NAALADL2: variants seen among roughly 807,000 people sequenced by gnomAD.
The protein encoded by NAALADL2 is inactive N-acetylated-alpha-linked acidic dipeptidase-like protein 2.
A neutral mutation model predicts 87.2 loss-of-function variants in NAALADL2; 76 were observed. That is an observed-to-expected ratio of 0.87 (90% confidence interval 0.72 to 1.05). The LOEUF (loss-of-function observed/expected upper bound fraction) is 1.05, where lower values mean the gene tolerates loss of function less well. NAALADL2 is among the 50% of genes least tolerant of loss of function. The pLI is 0.00. For synonymous variants in NAALADL2, 354 were observed against 331.0 expected, an observed-to-expected ratio of 1.07 and a Z score of -0.75; for missense variants, 1,089 against 945.8, an observed-to-expected ratio of 1.15 and a Z score of -1.99.
Position 175,588,534 on chromosome 3 carries a change from C to CTTTTTTTTTT in NAALADL2, c.1800+12360_1800+12369dup, listed in dbSNP as rs1168817019. 6.9e-3 allele frequency among the ~76,000 whole-genome samples: 539 copies of CTTTTTTTTTT among 78,090 alleles called. 23 individuals carry two copies. Among genetic ancestry groups the CTTTTTTTTTT allele is most frequent in the African/African-American group, 9.4e-3 (182 of 19,302 alleles). 51.2% of individuals were successfully genotyped at this position (78,090 alleles called of 152,430 possible). On this transcript the variant is annotated intron_variant, in intron 10 of 13. Transcript: ENST00000454872. ...TTAGGAGACTTTCTTTCTTTCTTTT[C>CTTTTTTTTTT]TTTTTTTTTTTTTTTTTTTTTTGAG...
intron 2 of NAALADL2, among the ~76,000 whole-genome samples, chr3:174,645,213 A>G (rs1437657017): frequency 2.0e-5 from 3 of 152,228 alleles, no homozygotes; most frequent in African/African-American, 7.2e-5. Context: ...CATTGAGGAA[A>G]GCATAAATAG....
chr3:174,452,570 A>C (rs1325835424), intron 1 of NAALADL2, among the ~76,000 whole-genome samples: 1 of 152,084 alleles, frequency 6.6e-6, no homozygotes, highest in Non-Finnish European at 1.5e-5. Context: ...CCCCGCCCAC[A>C]CAGTGGGTTC....
chr3:175,152,910 A>G (rs1182995180), intron 2 of NAALADL2, among the ~76,000 whole-genome samples: 4 of 152,226 alleles, frequency 2.6e-5, no homozygotes, highest in East Asian at 1.9e-4. Flanking sequence ...CTGTCTCAAA[A>G]AAAAGAAAAA....
intron 2 of NAALADL2, among the ~76,000 whole-genome samples, chr3:175,227,572 G>T (rs1007108320): frequency 1.3e-5 from 2 of 151,910 alleles, no homozygotes; most frequent in African/African-American, 2.4e-5. Flanking sequence ...TTCTTTAATA[G>T]AATTTCTCAT....
chr3:175,182,551 T>TA (rs1736731972), intron 2 of NAALADL2, among the ~76,000 whole-genome samples: 1 of 38,952 alleles, frequency 2.6e-5, no homozygotes, highest in Non-Finnish European at 4.9e-5. Flanking sequence ...CCACAGCCAG[T>TA]TTTTTTTTTT....
chr3:175,716,342 AATATAT>A (rs953737510), intron 11 of NAALADL2, among the ~76,000 whole-genome samples: 6 of 146,360 alleles, frequency 4.1e-5, no homozygotes, highest in African/African-American at 1.2e-4. Flanking sequence ...ATGTGTATAT[AATATAT>A]ATGTATATGT....
rs140248171 is a variant in NAALADL2 at position 174,852,615 on chromosome 3, T to A, written c.-9+114869T>A. ...CATGTTTATAGAATGGAAGAATAAA[T>A]GTGGTTAAAATGTCTATACTACCCA... On this transcript the variant is annotated intron_variant, in intron 3 of 3. Transcript: ENST00000434257. 1.4e-3 allele frequency among the ~76,000 whole-genome samples: 206 copies of A among 152,178 alleles called. 1 individual carries two copies. The highest frequency in any genetic ancestry group is 4.5e-3 in the African/African-American group (186 of 41,540).
At chr3:175,172,408 C>T (rs1171797701) in intron 2 of NAALADL2, among the ~76,000 whole-genome samples, 1 of 152,146 alleles carries the variant, frequency 6.6e-6, no homozygotes, top group Non-Finnish European at 1.5e-5. Flanking sequence ...AATATATACA[C>T]ATTCCTGGTT....
chr3:175,738,512 G>A (rs1378583138), intron 12 of NAALADL2, among the ~76,000 whole-genome samples: 1 of 152,170 alleles, frequency 6.6e-6, no homozygotes. Flanking sequence ...CTCCCGAAGT[G>A]CTGGAATTAC....
chr3:174,525,452 T>C (rs910809422), intron 1 of NAALADL2, among the ~76,000 whole-genome samples: 1 of 152,148 alleles, frequency 6.6e-6, no homozygotes, highest in Non-Finnish European at 1.5e-5. Flanking sequence ...GTCTCAGACT[T>C]GTAAACAACC....
intron 9 of NAALADL2, among the ~76,000 whole-genome samples, chr3:175,506,282 C>T (rs572076718): frequency 6.6e-6 from 1 of 152,334 alleles, no homozygotes; most frequent in African/African-American, 2.4e-5. Flanking sequence ...CTTTATTGCA[C>T]TACACATGCA....
intron 9 of NAALADL2, among the ~76,000 whole-genome samples, chr3:175,499,667 C>G (rs1293794776): frequency 6.6e-6 from 1 of 151,956 alleles, no homozygotes; most frequent in African/African-American, 2.4e-5. Context: ...CAAAATTATT[C>G]TTTTTGAATC....
intron 1 of NAALADL2, among the ~76,000 whole-genome samples, chr3:175,011,624 T>A (rs1484235003): frequency 2.0e-5 from 3 of 152,184 alleles, no homozygotes; most frequent in Non-Finnish European, 4.4e-5. Flanking sequence ...AACACCTCAG[T>A]ATCCTTCTAA....
intron 2 of NAALADL2, among the ~76,000 whole-genome samples, chr3:175,222,711 A>G (rs945206605): frequency 1.3e-5 from 2 of 152,174 alleles, no homozygotes; most frequent in Non-Finnish European, 2.9e-5. Flanking sequence ...TGAAAGTTAT[A>G]TATGTCCATA....
At chr3:174,884,376 T>C (rs1729801294) in intron 1 of NAALADL2, among the ~76,000 whole-genome samples, 1 of 152,156 alleles carries the variant, frequency 6.6e-6, no homozygotes, top group Admixed American at 6.5e-5. Context: ...AATTGTGACT[T>C]CAAAATGCCA....
Position 175,353,108 on chromosome 3 carries a change from A to ATGTGTG in NAALADL2, c.1090+28809_1090+28814dup, listed in dbSNP as rs113022824. Among the ~76,000 whole-genome samples the ATGTGTG allele has an allele frequency of 3.2e-3, 468 of 144,962 alleles. 2 individuals carry two copies. Among genetic ancestry groups the ATGTGTG allele is most frequent in the South Asian group, 4.2e-3 (19 of 4,558 alleles). Reference sequence around the variant, plus strand: ...TTTATTCAAATATCCATTTAATAAAATGTGTGTGTGTGTGTGTGTGTGTGT... The same window carrying ATGTGTG: ...TTTATTCAAATATCCATTTAATAAAATGTGTGTGTGTGTGTGTGTGTGTGTGTGTGT... On this transcript the variant is annotated intron_variant, in intron 5 of 13. Transcript: ENST00000454872.
intron 3 of NAALADL2, among the ~76,000 whole-genome samples, chr3:174,818,253 A>T (rs191486013): frequency 3.9e-4 from 60 of 152,246 alleles, no homozygotes; most frequent in Middle Eastern, 3.4e-3. Context: ...TGACTTTAAG[A>T]TGGTCAAACA....
intron 9 of NAALADL2, among the ~76,000 whole-genome samples, chr3:175,522,454 C>T (rs1376177128): frequency 6.6e-6 from 1 of 152,090 alleles, no homozygotes; most frequent in Non-Finnish European, 1.5e-5. Flanking sequence ...AGTGAAATGG[C>T]GTGCGCTGAA....
At chr3:175,062,476 C>CTGTGTGTGTGTG (rs71792051) in intron 1 of NAALADL2, among the ~76,000 whole-genome samples, 8 of 131,568 alleles carry the variant, frequency 6.1e-5, no homozygotes, top group South Asian at 2.7e-4. Flanking sequence ...GGAAGTTTGG[C>CTGTGTGTGTGTG]TGTGTGTGTG....
Sources: allele counts gnomAD v4.1 joint callset (sites outside exome capture counted in the v4.1 genomes callset), GRCh38; gene constraint gnomAD v4.1.1; transcripts MANE v1.5; gene names NCBI Gene and HGNC (gene_info 2026-07-23, HGNC 2026-07-21).